The following PAPOLB variants were observed in gnomAD, a reference collection of about 807,000 sequenced individuals.
PAPOLB encodes the protein PAP-beta.
Under a neutral mutation model 23.2 loss-of-function variants are expected in PAPOLB, and 19 were observed. The ratio of observed to expected loss-of-function variants is 0.82; its 90% CI spans 0.57 to 1.20. The LOEUF (loss-of-function observed/expected upper bound fraction) is 1.20. Ranked by LOEUF, PAPOLB falls within the 50% of genes most tolerant of loss-of-function variation. The pLI, the probability that PAPOLB is intolerant of heterozygous loss-of-function variation, is 0.00. For missense variants in PAPOLB, 822 were observed against 776.8 expected (o/e 1.06, Z -0.69); for synonymous variants, 360 against 290.7 (o/e 1.24, Z -2.43).
At position 4,861,840 on chromosome 7, in the gene PAPOLB, C is replaced by CCCCCACCACCGCGACCTTCACGT; in HGVS notation, c.-31_-30insACGTGAAGGTCGCGGTGGTGGGG. ...CAGCGCCCGCCCCGCCAGGGCACGT[C>CCCCCACCACCGCGACCTTCACGT]CCCCACCACCGCGACCTTCGCGGCC... On this transcript the variant is annotated 5_prime_UTR_variant, in exon 1 of 1. The change creates a premature stop within an existing upstream ORF in the 5' untranslated region. Transcript: ENST00000404991. 4.3e-6 allele frequency: 6 copies of CCCCCACCACCGCGACCTTCACGT among 1,405,616 alleles called. No individual in the cohort carries two copies. Among genetic ancestry groups the CCCCCACCACCGCGACCTTCACGT allele is most frequent in the Non-Finnish European group, 5.6e-6 (6 of 1,075,376 alleles). 87.1% of individuals were successfully genotyped at this position (1,405,616 alleles called of 1,614,324 possible).
In PAPOLB at chr7:4,858,906, C is replaced by T. The variant is rs1401928676; in HGVS notation, c.*991G>A. The stretch of plus-strand genomic sequence containing the variant: ...AAAGAGAAGAGAGGGAGGCAAAAAG[C>T]TTTTTTGTTTTAGGACTAATGATTG... On this transcript the variant is annotated 3_prime_UTR_variant, in exon 1 of 1. Transcript: ENST00000404991. 1 of 152,098 alleles carries T rather than the reference C, an allele frequency of 6.6e-6. No individual in the cohort carries two copies. The highest frequency in any genetic ancestry group is 1.5e-5 in the Non-Finnish European group (1 of 67,998). 9.4% of individuals were successfully genotyped at this position (152,098 alleles called of 1,614,324 possible).
chr7:4,859,868 A>G lies in PAPOLB; in HGVS notation c.*29T>C. On this transcript the variant is annotated 3_prime_UTR_variant, in exon 1 of 1. Transcript: ENST00000404991. ...TGGTTTTCTTGGTCCTTTCTTCTTT[A>G]TGAGGCAAGAATATCCTCTAGACTC... 1 of 1,458,868 alleles carries G rather than the reference A, an allele frequency of 6.9e-7. No individual in the cohort carries two copies. The highest frequency in any genetic ancestry group is 9.4e-7 in the Non-Finnish European group (1 of 1,060,238). 90.4% of individuals were successfully genotyped at this position (1,458,868 alleles called of 1,614,324 possible).
Position 4,860,902 on chromosome 7 carries a change from T to C in PAPOLB, c.909A>G (p.Pro303=). ...ERNLNLPVWD[P]RVNPSDRYHL... is the part of the protein sequence containing the mutation. The stretch of plus-strand genomic sequence containing the variant: ...GGTACCTATCACTGGGATTTACTCT[T>C]GGGTCCCATACAGGCAAATTAAGAT... Residue 303 remains proline (P), a synonymous_variant, in exon 1 of 1, where the codon CCA becomes CCG. Transcript: ENST00000404991. 1.2e-6 allele frequency: 2 copies of C among 1,614,246 alleles called. No individual in the cohort carries two copies. The highest frequency in any genetic ancestry group is 1.3e-5 in the African/African-American group (1 of 75,060).
In PAPOLB at chr7:4,861,762, G is replaced by C; in HGVS notation, c.49C>G (p.Pro17Ala). ...TTQGPPQPAP[P>A]PNRYGVSSPI... ...GAGGAGACGCCGTAGCGATTCGGCG[G>C]CGGCGCCGGCTGCGGTGGTCCCTGG... Residue 17 changes from proline to alanine, a missense_variant, in exon 1 of 1, where the codon CCG (proline) becomes GCG (alanine). This residue lies in a region of PAPOLB where 276 missense variants were observed against 243.9 expected (regional missense o/e 1.13). Transcript: ENST00000404991. The C allele has an allele frequency of 6.7e-7, 1 of 1,488,156 alleles. No individual in the cohort carries two copies. The highest frequency in any genetic ancestry group is 1.4e-5 in the South Asian group (1 of 69,300). The allele number at this position is 1,488,156 out of a possible 1,614,324, so 92.2% of individuals were successfully genotyped here.
chr7:4,859,033 T>C lies in PAPOLB; in HGVS notation c.*864A>G, dbSNP rs911035742. On this transcript the variant is annotated 3_prime_UTR_variant, in exon 1 of 1. Transcript: ENST00000404991. ...TTAAAACCAGTGTGTCCTTTCTCCA[T>C]AGTGTGCCATCAAAACCAAAGACCT... The C allele has an allele frequency of 5.9e-5, 9 of 152,272 alleles. No homozygotes were observed. The East Asian group carries it at 1.7e-3, about 29-fold the overall frequency. The allele number at this position is 152,272 out of a possible 1,614,324, so 9.4% of individuals were successfully genotyped here. A position where few individuals can be genotyped will look rare whatever the true frequency, so the allele number is the denominator to read the frequency against.
chr7:4,861,721 C>A lies in PAPOLB; in HGVS notation c.90G>T (p.Ala30=), dbSNP rs763846073. 1 of 1,544,296 alleles carries A rather than the reference C, an allele frequency of 6.5e-7. No individual in the cohort carries two copies. Among genetic ancestry groups the A allele is most frequent in the Admixed American group, 2.1e-5 (1 of 47,370 alleles). The change falls in exon 1 of 1, where the codon GCG becomes GCT. Residue 30 remains alanine (A), a synonymous_variant. Coordinates refer to ENST00000404991, the MANE Select transcript of PAPOLB (RefSeq NM_020144.5). ...RYGVSSPISL[A]VPKETDCLLT... ...GGAGGCAGTCCGTCTCCTTGGGGAC[C>A]GCTAGACTGATAGGCGAGGAGACGC... is the stretch of plus-strand genomic sequence containing the variant.
Position 4,858,486 on chromosome 7 carries a change from G to A in PAPOLB, c.*1411C>T, listed in dbSNP as rs1783890310. ...GAGCAGAAAGCCAGTAAGATGTCAA[G>A]TGCTTGCTAGAAATTACTTTTTTAT... On this transcript the variant is annotated 3_prime_UTR_variant, in exon 1 of 1. Coordinates refer to ENST00000404991, the MANE Select transcript of PAPOLB (RefSeq NM_020144.5). 1 of 152,568 alleles carries A rather than the reference G, an allele frequency of 6.6e-6. No individual in the cohort carries two copies. Among genetic ancestry groups the A allele is most frequent in the African/African-American group, 2.4e-5 (1 of 41,442 alleles). 9.5% of individuals were successfully genotyped at this position (152,568 alleles called of 1,614,324 possible). A position where few individuals can be genotyped will look rare whatever the true frequency, so the allele number is the denominator to read the frequency against.
At position 4,861,589 on chromosome 7, in the gene PAPOLB, C is replaced by G. The variant is rs775880193; in HGVS notation, c.222G>C (p.Lys74Asn). 65 of 1,611,778 alleles carry G rather than the reference C, an allele frequency of 4.0e-5. 1 individual carries two copies. The South Asian group carries it at 6.8e-4, about 17-fold the overall frequency. The stretch of plus-strand genomic sequence containing the variant: ...TTTCACTGATTTCGCGTATCCATTC[C>G]TTTACCAGATTATTTAATTTTTCCA... ...LVLEKLNNLV[K>N]EWIREISESK... Residue 74 changes from lysine (K) to asparagine (N), a missense_variant, in exon 1 of 1, where the codon AAG (lysine) becomes AAC (asparagine). Around this residue, in one of 3 missense-constraint regions of PAPOLB, gnomAD observed 276 missense variants for 243.9 expected, o/e 1.13. Transcript: ENST00000404991.
rs2115034911 is a variant in PAPOLB at position 4,861,925 on chromosome 7, A to C, written c.-115T>G. The C allele has an allele frequency of 1.7e-6, 1 of 597,890 alleles. No individual in the cohort carries two copies. Among genetic ancestry groups the C allele is most frequent in the Non-Finnish European group, 2.6e-6 (1 of 386,846 alleles). 37.0% of individuals were successfully genotyped at this position (597,890 alleles called of 1,614,324 possible). The stretch of plus-strand genomic sequence containing the variant: ...CAGGGCTTCTAGCTGCCCTGGTCCG[A>C]CCCCACTCCCACTCCCGCTGCGCGC... On this transcript the variant is annotated 5_prime_UTR_variant, in exon 1 of 1. Coordinates refer to ENST00000404991, the MANE Select transcript of PAPOLB (RefSeq NM_020144.5).
Position 4,861,964 on chromosome 7 carries a change from A to G in PAPOLB, c.-154T>C. Reference sequence around the variant, plus strand: ...CCCGCTGCGCGCCCGCCGCTTCAGGAGCTTCTCCTCCTTCCCCTCAGCCCC... The same window carrying G: ...CCCGCTGCGCGCCCGCCGCTTCAGGGGCTTCTCCTCCTTCCCCTCAGCCCC... On this transcript the variant is annotated 5_prime_UTR_variant, in exon 1 of 1. Transcript: ENST00000404991. 2.1e-6 allele frequency: 1 copy of G among 467,944 alleles called. No homozygotes were observed. Among genetic ancestry groups the G allele is most frequent in the Non-Finnish European group, 3.7e-6 (1 of 268,644 alleles). The allele number at this position is 467,944 out of a possible 1,614,324, so 29.0% of individuals were successfully genotyped here. A position where few individuals can be genotyped will look rare whatever the true frequency, so the allele number is the denominator to read the frequency against.
At position 4,858,395 on chromosome 7, in the gene PAPOLB, T is replaced by G. The variant is rs1010180517; in HGVS notation, c.*1502A>C. The G allele has an allele frequency of 1.1e-4, 16 of 152,340 alleles. No homozygotes were observed. Among genetic ancestry groups the G allele is most frequent in the African/African-American group, 3.9e-4 (16 of 41,446 alleles). 9.4% of individuals were successfully genotyped at this position (152,340 alleles called of 1,614,324 possible). A position where few individuals can be genotyped will look rare whatever the true frequency, so the allele number is the denominator to read the frequency against. The stretch of plus-strand genomic sequence containing the variant: ...GCCCCTCACATTTCCTAATCATAGA[T>G]GCTCTACTGCTTAATTATGAGATTT... On this transcript the variant is annotated 3_prime_UTR_variant, in exon 1 of 1. Transcript: ENST00000404991.
Position 4,859,393 on chromosome 7 carries a change from A to G in PAPOLB, c.*504T>C, listed in dbSNP as rs919072014. ...TCCAGTCCAGATGTCAGTCACGGGTACAAACATAGCTGAAAGGTTTTTTCA... is the reference window on the plus strand; with the variant it reads ...TCCAGTCCAGATGTCAGTCACGGGTGCAAACATAGCTGAAAGGTTTTTTCA... On this transcript the variant is annotated 3_prime_UTR_variant, in exon 1 of 1. Transcript: ENST00000404991. 3.9e-5 allele frequency: 6 copies of G among 155,386 alleles called. No individual in the cohort carries two copies. The highest frequency in any genetic ancestry group is 1.2e-4 in the African/African-American group (5 of 41,470). 9.6% of individuals were successfully genotyped at this position (155,386 alleles called of 1,614,324 possible).
At position 4,861,163 on chromosome 7, in the gene PAPOLB, T is replaced by C; in HGVS notation, c.648A>G (p.Pro216=). 4.3e-6 allele frequency: 7 copies of C among 1,614,270 alleles called. No homozygotes were observed. Among genetic ancestry groups the C allele is most frequent in the Non-Finnish European group, 5.9e-6 (7 of 1,180,042 alleles). The part of the protein sequence containing the change: ...RVTDEILHLV[P]NIDNFRLTLR... Reference sequence around the variant, plus strand: ...GAGTCAGCCTGAAGTTGTCAATGTTTGGCACTAGATGTAAAATTTCATCGG... The same window carrying C: ...GAGTCAGCCTGAAGTTGTCAATGTTCGGCACTAGATGTAAAATTTCATCGG... Residue 216 remains proline (P), a synonymous_variant, in exon 1 of 1, where the codon CCA becomes CCG. Transcript: ENST00000404991.
rs374993806 is a variant in PAPOLB at position 4,861,279 on chromosome 7, T to C, written c.532A>G (p.Thr178Ala). The C allele has an allele frequency of 1.4e-5, 22 of 1,614,156 alleles. No homozygotes were observed. The East Asian group carries it at 4.0e-4, about 29-fold the overall frequency. The change falls in exon 1 of 1, where the codon ACT becomes GCT. Residue 178 changes from threonine to alanine, a missense_variant. Thr to Ala is a moderately conservative substitution (Grantham distance 58, BLOSUM62 0). Around this residue, in one of 3 missense-constraint regions of PAPOLB, gnomAD observed 276 missense variants for 243.9 expected, o/e 1.13. Transcript: ENST00000404991. ...CTTAAGTCCAAATCTTCTGGAATAG[T>C]CTGTAGTGCTAATCTTGCAAATAAA... is the stretch of plus-strand genomic sequence containing the variant. ...DILFARLALQ[T>A]IPEDLDLRDD...
chr7:4,861,865 CG>C lies in PAPOLB; in HGVS notation c.-56del. The C allele has an allele frequency of 8.0e-7, 1 of 1,256,662 alleles. No individual in the cohort carries two copies. Among genetic ancestry groups the C allele is most frequent in the Non-Finnish European group, 1.1e-6 (1 of 951,080 alleles). The allele number at this position is 1,256,662 out of a possible 1,614,324, so 77.8% of individuals were successfully genotyped here. A position where few individuals can be genotyped will look rare whatever the true frequency, so the allele number is the denominator to read the frequency against. On this transcript the variant is annotated 5_prime_UTR_variant, in exon 1 of 1. It removes the in-frame stop codon of an upstream open reading frame in the 5' UTR. Transcript: ENST00000404991. Reference sequence around the variant, plus strand: ...CCCCCACCACCGCGACCTTCGCGGCCGCCGCCCGGGTCATGATCCGCTGAGG... The same window carrying C: ...CCCCCACCACCGCGACCTTCGCGGCCCCGCCCGGGTCATGATCCGCTGAGG...
In PAPOLB at chr7:4,858,022, C is replaced by A. The variant is rs1323582392; in HGVS notation, c.*1875G>T. 1 of 152,572 alleles carries A rather than the reference C, an allele frequency of 6.6e-6. No individual in the cohort carries two copies. Among genetic ancestry groups the A allele is most frequent in the Non-Finnish European group, 1.5e-5 (1 of 68,024 alleles). 9.5% of individuals were successfully genotyped at this position (152,572 alleles called of 1,614,324 possible). ...ATGACCAGACTAAATTTGTGCCTGG[C>A]CATTTCAACCTAACGCCATAGCCAT... is the stretch of plus-strand genomic sequence containing the variant. On this transcript the variant is annotated 3_prime_UTR_variant, in exon 1 of 1. Transcript: ENST00000404991.
chr7:4,861,112 C>T lies in PAPOLB; in HGVS notation c.699G>A (p.Lys233=). 1.2e-6 allele frequency: 2 copies of T among 1,614,240 alleles called. No individual in the cohort carries two copies. The highest frequency in any genetic ancestry group is 1.1e-5 in the South Asian group (1 of 91,082). The change falls in exon 1 of 1, where the codon AAG becomes AAA. Residue 233 remains lysine (K), a synonymous_variant. Transcript: ENST00000404991. Reference sequence around the variant, plus strand: ...ATATATTGGAATAGATATTGTGGCACTTGGCCCACAGTTTGATGGCTCTCA... The same window carrying T: ...ATATATTGGAATAGATATTGTGGCATTTGGCCCACAGTTTGATGGCTCTCA... The part of the protein sequence containing the change: ...LTLRAIKLWA[K]CHNIYSNILG...
chr7:4,858,315 T>C lies in PAPOLB; in HGVS notation c.*1582A>G, dbSNP rs1783885582. 1 of 152,212 alleles carries C rather than the reference T, an allele frequency of 6.6e-6. No individual in the cohort carries two copies. 9.4% of individuals were successfully genotyped at this position (152,212 alleles called of 1,614,324 possible). ...AAAGCAAGGCTAATTGGAAAGCCTG[T>C]TAAGTTTGCTGTCTAGATTAAGAAA... On this transcript the variant is annotated 3_prime_UTR_variant, in exon 1 of 1. Coordinates refer to ENST00000404991, the MANE Select transcript of PAPOLB (RefSeq NM_020144.5).
Position 4,861,740 on chromosome 7 carries a change from G to A in PAPOLB, c.71C>T (p.Ser24Phe), listed in dbSNP as rs1214839673. The A allele has an allele frequency of 6.6e-6, 10 of 1,515,100 alleles. No homozygotes were observed. The highest frequency in any genetic ancestry group is 1.3e-5 in the South Asian group (1 of 74,636). 93.9% of individuals were successfully genotyped at this position (1,515,100 alleles called of 1,614,324 possible). The change falls in exon 1 of 1, where the codon TCC (serine) becomes TTC (phenylalanine). Residue 24 changes from serine (S) to phenylalanine (F), a missense_variant. This residue lies in a region of PAPOLB where 276 missense variants were observed against 243.9 expected (regional missense o/e 1.13). Transcript: ENST00000404991. ...PAPPPNRYGV[S>F]SPISLAVPKE... is the part of the protein sequence containing the mutation. ...GGGGACCGCTAGACTGATAGGCGAG[G>A]AGACGCCGTAGCGATTCGGCGGCGG... is the stretch of plus-strand genomic sequence containing the variant.
Sources: gnomAD v4.1 joint callset for allele counts on GRCh38, gnomAD v4.1.1 for gene constraint, gnomAD v4.1.1 regional missense constraint, MANE v1.5 for transcripts, NCBI Gene and HGNC (gene_info 2026-07-23, HGNC 2026-07-21) for gene names.